The following ZMIZ1 variants were observed in gnomAD, a reference collection of about 807,000 sequenced individuals.
ZMIZ1 encodes the protein zinc finger MIZ domain-containing protein 1.
Under a neutral mutation model 113.9 loss-of-function variants are expected in ZMIZ1, and 17 were observed. The observed-to-expected ratio is 0.15, with a 90% CI of 0.10 to 0.22. The LOEUF (loss-of-function observed/expected upper bound fraction) is 0.22, where lower values mean the gene tolerates loss of function less well. Among genes scored for constraint, ZMIZ1 ranks in the 10% least tolerant of loss-of-function variants. ZMIZ1 has a pLI of 1.00. For missense variants in ZMIZ1, 1,059 were observed against 1,477.8 expected (o/e 0.72, Z 4.65); for synonymous variants, 607 against 603.1 (o/e 1.01, Z -0.09).
intron 1 of ZMIZ1, among the ~76,000 whole-genome samples, chr10:79,091,119 G>A (rs1842971628): frequency 6.6e-6 from 1 of 152,184 alleles, no homozygotes; most frequent in African/African-American, 2.4e-5. Flanking sequence ...TCTAGGGGAG[G>A]GTCCTGTGCT....
chr10:79,106,337 C>G (rs1056683679), intron 1 of ZMIZ1, among the ~76,000 whole-genome samples: 1 of 152,240 alleles, frequency 6.6e-6, no homozygotes, highest in Non-Finnish European at 1.5e-5. Context: ...TATGCTCTGC[C>G]TGAGAGTGAC....
chr10:79,225,899 G>A (rs904434555), intron 7 of ZMIZ1, among the ~76,000 whole-genome samples: 5 of 152,166 alleles, frequency 3.3e-5, no homozygotes, highest in East Asian at 1.9e-4. Flanking sequence ...CTGCCTTCAC[G>A]GCTGCAGGAA....
Position 79,296,302 on chromosome 10 carries a change from C to A in ZMIZ1, c.1231-169C>A, listed in dbSNP as rs1853885052. On this transcript the variant is annotated intron_variant, in intron 12 of 24. Coordinates refer to ENST00000334512, the MANE Select transcript of ZMIZ1 (RefSeq NM_020338.4). This position sits in a 1 kb window ranked among gnomAD's most constrained non-coding sequence, Gnocchi z 4.1. ...GATCTGGACAGGCAGAACAAAATGC[C>A]CCTGGATGTCAGGACGAGAAGGGGC... 1.4e-6 allele frequency: 1 copy of A among 739,712 alleles called. No individual in the cohort carries two copies. Among genetic ancestry groups the A allele is most frequent in the Non-Finnish European group, 2.3e-6 (1 of 435,066 alleles). The allele number at this position is 739,712 out of a possible 1,614,324, so 45.8% of individuals were successfully genotyped here. A position where few individuals can be genotyped will look rare whatever the true frequency, so the allele number is the denominator to read the frequency against.
At chr10:79,105,801 T>C (rs922127022) in intron 1 of ZMIZ1, among the ~76,000 whole-genome samples, 1 of 152,240 alleles carries the variant, frequency 6.6e-6, no homozygotes, top group Non-Finnish European at 1.5e-5. Flanking sequence ...AGTTGTGAAT[T>C]GATTATTAAG....
At chr10:79,246,464 G>T (rs1203670975) in intron 7 of ZMIZ1, among the ~76,000 whole-genome samples, 1 of 152,222 alleles carries the variant, frequency 6.6e-6, no homozygotes, top group Non-Finnish European at 1.5e-5. Flanking sequence ...TGCGGCATGG[G>T]TCCCTCGGGA....
intron 2 of ZMIZ1, among the ~76,000 whole-genome samples, chr10:79,121,851 G>A (rs1844305189): frequency 6.6e-6 from 1 of 152,162 alleles, no homozygotes; most frequent in Admixed American, 6.5e-5. Context: ...CCAGCAGAAG[G>A]CTCAGCTCCA....
At chr10:79,307,642 T>A in intron 23 of ZMIZ1, 71 bp downstream of exon 23, 1 of 1,514,290 alleles carries the variant, frequency 6.6e-7, no homozygotes, top group Non-Finnish European at 9.0e-7. Flanking sequence ...CTGGATACCC[T>A]GTTCCCTCCC....
intron 1 of ZMIZ1, among the ~76,000 whole-genome samples, chr10:79,080,556 G>A (rs376258996): frequency 5.9e-5 from 9 of 152,082 alleles, no homozygotes; most frequent in African/African-American, 1.7e-4. Context: ...TGATCCGCCC[G>A]CCTTGGCCTC....
At chr10:79,194,970 A>C (rs3897443) in intron 4 of ZMIZ1, among the ~76,000 whole-genome samples, 1 of 152,064 alleles carries the variant, frequency 6.6e-6, no homozygotes, top group Non-Finnish European at 1.5e-5. Context: ...CCATTTGCCC[A>C]ACTAAGCCCA....
intron 7 of ZMIZ1, among the ~76,000 whole-genome samples, chr10:79,262,742 T>C (rs1403853821): frequency 1.3e-5 from 2 of 152,180 alleles, no homozygotes; most frequent in Admixed American, 1.3e-4. Context: ...AAGAGTGACA[T>C]GTATTCTCCA....
At chr10:79,121,230 G>T (rs1238731632) in intron 2 of ZMIZ1, among the ~76,000 whole-genome samples, 2 of 152,158 alleles carry the variant, frequency 1.3e-5, no homozygotes, top group Non-Finnish European at 2.9e-5. Flanking sequence ...TTGCAGATAA[G>T]GAAACTGAGG....
chr10:79,131,503 C>T (rs1417984634), intron 2 of ZMIZ1, among the ~76,000 whole-genome samples: 1 of 152,190 alleles, frequency 6.6e-6, no homozygotes, highest in Non-Finnish European at 1.5e-5. Flanking sequence ...TTAAACAAAT[C>T]AATTCCATTG....
At chr10:79,184,680 C>T (rs1847276753) in intron 4 of ZMIZ1, among the ~76,000 whole-genome samples, 2 of 152,156 alleles carry the variant, frequency 1.3e-5, no homozygotes, top group South Asian at 4.1e-4. Flanking sequence ...GGAAGATGGG[C>T]TCTATGTCTA....
chr10:79,123,315 T>G (rs1263267759), intron 2 of ZMIZ1, among the ~76,000 whole-genome samples: 1 of 152,206 alleles, frequency 6.6e-6, no homozygotes, highest in African/African-American at 2.4e-5. Context: ...CCTTTCTTTG[T>G]GGCTTCTGAT....
intron 2 of ZMIZ1, among the ~76,000 whole-genome samples, chr10:79,123,048 C>T (rs1445973795): frequency 1.3e-5 from 2 of 152,284 alleles, no homozygotes; most frequent in East Asian, 3.9e-4. Flanking sequence ...CGTGGCTCGG[C>T]GGACTAGAGC....
intron 4 of ZMIZ1, among the ~76,000 whole-genome samples, chr10:79,182,964 A>G (rs703982): frequency 0.32 from 49,277 of 152,114 alleles, 8,935 homozygotes; most frequent in Non-Finnish European, 0.41. Flanking sequence ...GGCAGTTAGT[A>G]TGGTGAGTCA....
At chr10:79,212,314 T>C (rs1848559164) in intron 6 of ZMIZ1, among the ~76,000 whole-genome samples, 1 of 152,062 alleles carries the variant, frequency 6.6e-6, no homozygotes, top group South Asian at 2.1e-4. Context: ...CCTGCCACCA[T>C]GCCAGGCCAA....
intron 4 of ZMIZ1, among the ~76,000 whole-genome samples, chr10:79,170,384 C>T (rs772474695): frequency 6.6e-6 from 1 of 152,198 alleles, no homozygotes; most frequent in Non-Finnish European, 1.5e-5. Flanking sequence ...TGTGGGTTTC[C>T]GCCCCATTCC....
chr10:79,107,932 T>C (rs1843616223), intron 1 of ZMIZ1, among the ~76,000 whole-genome samples: 1 of 152,126 alleles, frequency 6.6e-6, no homozygotes, highest in South Asian at 2.1e-4. Flanking sequence ...AATTGTCTAT[T>C]GTTCATCGTC....
Sources: gnomAD v4.1 joint callset for allele counts (sites outside exome capture counted in the v4.1 genomes callset) on GRCh38, gnomAD v4.1.1 for gene constraint, Gnocchi (gnomAD v3.1) non-coding constraint, MANE v1.5 for transcripts, NCBI Gene and HGNC (gene_info 2026-07-23, HGNC 2026-07-21) for gene names.